The following GAS2 variants were observed in gnomAD, a reference collection of about 807,000 sequenced individuals.
GAS2 encodes the protein growth arrest specific 2, also known as growth arrest-specific protein 2.
GAS2 carries 20 observed loss-of-function variants against 37.5 expected under a neutral mutation model. The observed-to-expected ratio is 0.53, with a 90% CI of 0.37 to 0.77. GAS2 has a LOEUF of 0.77. Among genes scored for constraint, GAS2 ranks in the 30% least tolerant of loss-of-function variants. The pLI is 0.00. For missense variants in GAS2, 336 were observed against 373.4 expected (o/e 0.90, Z 0.82); for synonymous variants, 144 against 132.2 (o/e 1.09, Z -0.61).
chr11:22,637,715 T>A (rs1227198990), intron 1 of GAS2, among the ~76,000 whole-genome samples: 4 of 141,462 alleles, frequency 2.8e-5, no homozygotes, highest in Non-Finnish European at 6.1e-5. Context: ...TATATAATCA[T>A]GTATTTATAG....
At chr11:22,762,638 G>A (rs1434221142) in intron 7 of GAS2, among the ~76,000 whole-genome samples, 1 of 151,984 alleles carries the variant, frequency 6.6e-6, no homozygotes, top group East Asian at 1.9e-4. Context: ...AAAGTATTCA[G>A]AATACAAAGG....
At chr11:22,646,887 CTTTT>C (rs896147255) in intron 1 of GAS2, among the ~76,000 whole-genome samples, 1 of 150,274 alleles carries the variant, frequency 6.7e-6, no homozygotes, top group Non-Finnish European at 1.5e-5. Flanking sequence ...CTCTTTCTTT[CTTTT>C]TCTTTCTTTC....
rs10543615 is a variant in GAS2, at chr11:22,789,390, ATGTG to A, written c.724-22398_724-22395del. On this transcript the variant is annotated intron_variant, in intron 7 of 7. Coordinates refer to ENST00000454584, the MANE Select transcript of GAS2 (RefSeq NM_001143830.3). ...TATACACATATATATGTACATATATATGTGTGTGTGTGTATGTGTGTGTATCTCA... is the reference window on the plus strand; with the variant it reads ...TATACACATATATATGTACATATATATGTGTGTGTATGTGTGTGTATCTCA... Among the ~76,000 whole-genome samples the A allele has an allele frequency of 2.9e-4, 25 of 86,530 alleles. 1 individual carries two copies. The highest frequency in any genetic ancestry group is 8.1e-4 in the African/African-American group (21 of 25,774). The allele number at this position is 86,530 out of a possible 152,430, so 56.8% of individuals were successfully genotyped here. A position where few individuals can be genotyped will look rare whatever the true frequency, so the allele number is the denominator to read the frequency against.
chr11:22,691,158 C>T (rs1850229408), intron 3 of GAS2, among the ~76,000 whole-genome samples: 1 of 152,056 alleles, frequency 6.6e-6, no homozygotes, highest in Admixed American at 6.6e-5. Flanking sequence ...TAGAATGCTG[C>T]ATTATGCTCC....
At chr11:22,743,632 A>G (rs1264826387) in intron 5 of GAS2, among the ~76,000 whole-genome samples, 7 of 152,090 alleles carry the variant, frequency 4.6e-5, no homozygotes, top group African/African-American at 1.7e-4. Context: ...CCACTGCTAC[A>G]ACAGACCTTG....
At chr11:22,678,221 A>AG (rs1179160275) in intron 2 of GAS2, among the ~76,000 whole-genome samples, 1 of 152,194 alleles carries the variant, frequency 6.6e-6, no homozygotes, top group African/African-American at 2.4e-5. Flanking sequence ...ATTTGGAGGT[A>AG]GAAAAATGCA....
intron 6 of GAS2, among the ~76,000 whole-genome samples, chr11:22,755,211 T>C (rs915511571): frequency 7.9e-5 from 12 of 152,106 alleles, no homozygotes; most frequent in Non-Finnish European, 1.0e-4. Flanking sequence ...ATCAATTACA[T>C]AGAACACACA....
chr11:22,648,385 T>C (rs920459850), intron 1 of GAS2, among the ~76,000 whole-genome samples: 1 of 152,224 alleles, frequency 6.6e-6, no homozygotes, highest in Non-Finnish European at 1.5e-5. Context: ...TATTTTGGCT[T>C]AGGATTGACT....
At chr11:22,807,434 C>CTCTAATTT (rs1222083317) in intron 7 of GAS2, among the ~76,000 whole-genome samples, 11 of 152,322 alleles carry the variant, frequency 7.2e-5, no homozygotes, top group African/African-American at 2.4e-4. Flanking sequence ...GAAAACAATT[C>CTCTAATTT]TCTAATTTTG....
chr11:22,712,721 A>T (rs192753396), intron 3 of GAS2, among the ~76,000 whole-genome samples: 1 of 152,320 alleles, frequency 6.6e-6, no homozygotes, highest in African/African-American at 2.4e-5. Context: ...CCAGAAAAAG[A>T]ATTCAGAAAG....
intron 7 of GAS2, among the ~76,000 whole-genome samples, chr11:22,805,006 G>T (rs531111713): frequency 1.3e-5 from 2 of 152,136 alleles, no homozygotes; most frequent in South Asian, 4.2e-4. Flanking sequence ...GGAAAGGGAG[G>T]GAAGAGTTTA....
chr11:22,784,366 C>T (rs1590127314), intron 7 of GAS2, among the ~76,000 whole-genome samples: 1 of 152,124 alleles, frequency 6.6e-6, no homozygotes, highest in African/African-American at 2.4e-5. Flanking sequence ...TAGTAAGTTA[C>T]TAGTAAAGTT....
At chr11:22,696,093 T>G (rs1435642353) in intron 3 of GAS2, among the ~76,000 whole-genome samples, 1 of 72,264 alleles carries the variant, frequency 1.4e-5, no homozygotes. Context: ...CCCTCCCCCC[T>G]CCCCCCACTC....
chr11:22,740,567 G>A (rs998182384), intron 5 of GAS2, among the ~76,000 whole-genome samples: 9 of 152,160 alleles, frequency 5.9e-5, no homozygotes, highest in African/African-American at 2.2e-4. Flanking sequence ...GAACATTTAA[G>A]TAAGAATGTC....
intron 3 of GAS2, among the ~76,000 whole-genome samples, chr11:22,711,580 T>G (rs149906981): frequency 7.2e-4 from 110 of 152,324 alleles, no homozygotes; most frequent in African/African-American, 2.5e-3. Flanking sequence ...CCTGCTTGCT[T>G]TCTCAATTGG....
In GAS2 at chr11:22,749,140, G is replaced by T. The variant is rs1370707223; in HGVS notation, c.494G>T (p.Gly165Val). The change falls in exon 6 of 8, where the codon GGT (glycine) becomes GTT (valine). Residue 165 changes from glycine to valine, a missense_variant. Physicochemically the swap from Gly to Val is moderately radical, Grantham distance 109. Coordinates refer to ENST00000454584, the MANE Select transcript of GAS2 (RefSeq NM_001143830.3). Reference sequence around the variant, plus strand: ...TAAAGGTATGGTGTGGAGCCTCCTGGTTTGATAAAGCTGGAAAAAGAGATT... The same window carrying T: ...TAAAGGTATGGTGTGGAGCCTCCTGTTTTGATAAAGCTGGAAAAAGAGATT... ...IAARYGVEPP[G>V]LIKLEKEIEQ... 6.2e-7 allele frequency: 1 copy of T among 1,612,294 alleles called. No homozygotes were observed. The highest frequency in any genetic ancestry group is 8.5e-7 in the Non-Finnish European group (1 of 1,179,010).
At chr11:22,710,792 G>A (rs1333747638) in intron 3 of GAS2, among the ~76,000 whole-genome samples, 2 of 152,154 alleles carry the variant, frequency 1.3e-5, no homozygotes, top group African/African-American at 4.8e-5. Flanking sequence ...CAAGATGGAA[G>A]TGTCAGGAGA....
chr11:22,633,632 G>T (rs939008847), intron 1 of GAS2, among the ~76,000 whole-genome samples: 1 of 152,152 alleles, frequency 6.6e-6, no homozygotes, highest in African/African-American at 2.4e-5. Context: ...ATGGGCAGAG[G>T]TCCTAACCTT....
intron 3 of GAS2, among the ~76,000 whole-genome samples, chr11:22,691,812 A>T (rs1322582026): frequency 6.6e-6 from 1 of 152,086 alleles, no homozygotes; most frequent in Middle Eastern, 3.2e-3. Context: ...AAATACACTA[A>T]TTTTTTTATT....
Sources: gnomAD v4.1 joint callset for allele counts (sites outside exome capture counted in the v4.1 genomes callset) on GRCh38, gnomAD v4.1.1 for gene constraint, MANE v1.5 for transcripts, NCBI Gene and HGNC (gene_info 2026-07-23, HGNC 2026-07-21) for gene names.